BBS2: variants seen among roughly 807,000 people sequenced by gnomAD.
BBS2 encodes BBSome complex member BBS2.
A neutral mutation model predicts 83.0 loss-of-function variants in BBS2; 62 were observed. The ratio of observed to expected loss-of-function variants is 0.75; its 90% CI spans 0.61 to 0.92. BBS2 has a LOEUF of 0.92. Ranked by LOEUF, BBS2 falls within the 40% of genes least tolerant of loss-of-function variation. The probability of loss-of-function intolerance (pLI) is 0.00; values close to 1 mark genes in which losing one functional copy is unlikely to be tolerated. For synonymous variants in BBS2, 303 were observed against 326.1 expected, an observed-to-expected ratio of 0.93 and a Z score of 0.76; for missense variants, 784 against 901.0, an observed-to-expected ratio of 0.87 and a Z score of 1.66.
chr16:56,498,280 C>T (rs1040942466), intron 13 of BBS2, among the ~76,000 whole-genome samples, 157 bp downstream of exon 13: 9 of 152,214 alleles, frequency 5.9e-5, no homozygotes, highest in Admixed American at 2.0e-4. Context: ...TAAAACAAAA[C>T]GTGGTTTTAT....
intron 15 of BBS2, among the ~76,000 whole-genome samples, chr16:56,486,629 T>C (rs1490135283): frequency 1.3e-5 from 2 of 152,154 alleles, no homozygotes; most frequent in African/African-American, 4.8e-5. Context: ...TATGATTCCA[T>C]TTATATGGTA....
chr16:56,511,225 A>G lies in BBS2; in HGVS notation c.405T>C (p.Leu135=). 6.2e-7 allele frequency: 1 copy of G among 1,614,066 alleles called. No individual in the cohort carries two copies. Among genetic ancestry groups the G allele is most frequent in the Non-Finnish European group, 8.5e-7 (1 of 1,179,960 alleles). ...GAGCACAATTGCCACCAATAATCGC[A>G]AGAGGGGAAGAAATGTCTCCCAATG... The part of the protein sequence containing the change: ...LGTLGDISSP[L]AIIGGNCALQ... Residue 135 remains leucine, a synonymous_variant, in exon 3 of 17, where the codon CTT becomes CTC. Transcript: ENST00000245157.
In BBS2 at chr16:56,492,030, A is replaced by T. The variant is rs537918993; in HGVS notation, c.1910+4937T>A. Among the ~76,000 whole-genome samples the T allele has an allele frequency of 3.0e-3, 454 of 151,796 alleles. 2 individuals carry two copies. The highest frequency in any genetic ancestry group is 0.01 in the Middle Eastern group (3 of 294). ...CCACTATGGAAAACATTTAAATATT[A>T]AAAATTTAAATTTTTAATGATTAAA... On this transcript the variant is annotated intron_variant, in intron 15 of 16. Transcript: ENST00000245157.
intron 17 of BBS2, chr16:56,470,799 G>A (rs1963133196): frequency 6.4e-7 from 1 of 1,574,150 alleles, no homozygotes; most frequent in African/African-American, 1.4e-5. Flanking sequence ...AAGGTAAGCT[G>A]TTGTTAGGAT....
intron 15 of BBS2, among the ~76,000 whole-genome samples, chr16:56,494,962 G>GAAA (rs575309401): frequency 1.2e-5 from 1 of 86,584 alleles, no homozygotes; most frequent in African/African-American, 4.3e-5. Context: ...ACTCCGTCTC[G>GAAA]AAAAAAAAAA....
In BBS2 at chr16:56,512,362, A is replaced by G. The variant is rs534525925; in HGVS notation, c.346-1078T>C. Among the ~76,000 whole-genome samples, 4 of 152,316 alleles carry G rather than the reference A, an allele frequency of 2.6e-5. No individual in the cohort carries two copies. The South Asian group carries it at 8.3e-4, about 32-fold the overall frequency. On this transcript the variant is annotated intron_variant, in intron 2 of 16. Coordinates refer to ENST00000245157, the MANE Select transcript of BBS2 (RefSeq NM_031885.5). Reference sequence around the variant, plus strand: ...GTATTTACCCAAGATAAATTAAAACATATATCTACAAAAAGTCTTATATAA... The same window carrying G: ...GTATTTACCCAAGATAAATTAAAACGTATATCTACAAAAAGTCTTATATAA...
At chr16:56,485,513 G>A (rs1963750749) in intron 16 of BBS2, 77 bp downstream of exon 16, 13 of 1,563,564 alleles carry the variant, frequency 8.3e-6, no homozygotes, top group Non-Finnish European at 1.1e-5. Flanking sequence ...ATGAATTATT[G>A]GATGCTACCA....
intron 17 of BBS2, among the ~76,000 whole-genome samples, chr16:56,474,317 C>CTTTT (rs770427579): frequency 3.1e-5 from 4 of 130,074 alleles, no homozygotes; most frequent in East Asian, 2.2e-4. Flanking sequence ...CAAAATTCAA[C>CTTTT]TTTTTTTTTT....
downstream of BBS2, among the ~76,000 whole-genome samples, chr16:56,482,432 C>T (rs1339855378): frequency 6.6e-6 from 1 of 152,080 alleles, no homozygotes; most frequent in East Asian, 1.9e-4. Context: ...GTGGCATGAT[C>T]TCGGCTCACA....
At chr16:56,474,390 G>A (rs909401609) in intron 17 of BBS2, among the ~76,000 whole-genome samples, 22 of 145,274 alleles carry the variant, frequency 1.5e-4, no homozygotes, top group Admixed American at 1.2e-3. Context: ...GCACAATCTC[G>A]GCTTACCACA....
downstream of BBS2, among the ~76,000 whole-genome samples, chr16:56,481,899 C>T (rs1963669088): frequency 6.6e-6 from 1 of 152,196 alleles, no homozygotes; most frequent in Admixed American, 6.5e-5. Context: ...CCAGGGCTTA[C>T]CCAGCTGTGG....
chr16:56,477,856 G>A (rs1963548342), intron 17 of BBS2: 1 of 152,106 alleles, frequency 6.6e-6, no homozygotes, highest in Non-Finnish European at 1.5e-5. Context: ...AAACTTTTGA[G>A]TATTCATTCT....
intron 17 of BBS2, chr16:56,477,352 C>G (rs1261599166): frequency 6.6e-6 from 1 of 152,172 alleles, no homozygotes. Flanking sequence ...TGGAAAGGGT[C>G]TGGCCTACCA....
At chr16:56,472,519 ATAGCAGTGCTAAACATTGGCATAGC>A (rs1266222069) in intron 17 of BBS2, among the ~76,000 whole-genome samples, 1 of 152,258 alleles carries the variant, frequency 6.6e-6, no homozygotes, top group East Asian at 1.9e-4. Context: ...TGGGCATATG[ATAGCAGTGCTAAACATTGGCATAGC>A]TAGGGCACAT....
rs889525343 is a variant in BBS2, at chr16:56,499,811, A to G, written c.1494T>C (p.Tyr498=). The G allele has an allele frequency of 5.0e-6, 8 of 1,614,240 alleles. No homozygotes were observed. Among genetic ancestry groups the G allele is most frequent in the Non-Finnish European group, 6.8e-6 (8 of 1,180,028 alleles). The change falls in exon 12 of 17, where the codon TAT becomes TAC. Residue 498 remains tyrosine, a synonymous_variant. Coordinates refer to ENST00000245157, the MANE Select transcript of BBS2 (RefSeq NM_031885.5). Reference sequence around the variant, plus strand: ...CCCGTTCTGCAATGGTAAAGTTAACATAACTGATTGGCTCACTGGCAGGGT... The same window carrying G: ...CCCGTTCTGCAATGGTAAAGTTAACGTAACTGATTGGCTCACTGGCAGGGT... The part of the protein sequence containing the change: ...SLDPASEPIS[Y]VNFTIAERAQ...
intron 11 of BBS2, 151 bp downstream of exon 11, chr16:56,500,703 G>A: frequency 1.4e-6 from 1 of 707,732 alleles, no homozygotes. Context: ...TTCAAACTGA[G>A]GAAATAAAAG....
At chr16:56,492,879 T>G (rs1963997203) in intron 15 of BBS2, among the ~76,000 whole-genome samples, 1 of 152,124 alleles carries the variant, frequency 6.6e-6, no homozygotes, top group African/African-American at 2.4e-5. Flanking sequence ...TTGTTAAGCC[T>G]TTTTCTCAAA....
At chr16:56,518,807 G>C (rs774718886) in intron 1 of BBS2, among the ~76,000 whole-genome samples, 3 of 101,106 alleles carry the variant, frequency 3.0e-5, no homozygotes, top group South Asian at 3.5e-4. Flanking sequence ...TTTTACATCC[G>C]AGTCTCCAAA....
chr16:56,472,071 T>C (rs112617680), intron 17 of BBS2, among the ~76,000 whole-genome samples: 11,775 of 152,150 alleles, frequency 0.077, 679 homozygotes, highest in East Asian at 0.16. Context: ...GAGCGATCCT[T>C]CTGCCTCAGT....
Sources: gnomAD v4.1 joint callset for allele counts (sites outside exome capture counted in the v4.1 genomes callset) on GRCh38, gnomAD v4.1.1 for gene constraint, MANE v1.5 for transcripts, NCBI Gene and HGNC (gene_info 2026-07-23, HGNC 2026-07-21) for gene names.